PMFBP1: variants seen among roughly 807,000 people sequenced by gnomAD.
The protein encoded by PMFBP1 is polyamine-modulated factor 1-binding protein 1.
Under a neutral mutation model 137.8 loss-of-function variants are expected in PMFBP1, and 131 were observed. The observed-to-expected ratio is 0.95, with a 90% CI of 0.82 to 1.10. PMFBP1 has a LOEUF of 1.10. Among genes scored for constraint, PMFBP1 ranks in the 50% least tolerant of loss-of-function variants. PMFBP1 has a pLI of 0.00. For synonymous variants in PMFBP1, 490 were observed against 450.4 expected (o/e 1.09, Z -1.11); for missense variants, 1,199 against 1,175.4 (o/e 1.02, Z -0.29).
the PMFBP1 span, among the ~76,000 whole-genome samples, chr16:72,214,503 G>T: frequency 6.6e-6 from 1 of 152,150 alleles, no homozygotes; most frequent in Non-Finnish European, 1.5e-5. Context: ...TAGAAGGAAC[G>T]ATGAGAAATT....
the PMFBP1 span, chr16:72,224,896 C>T: frequency 6.6e-6 from 1 of 152,198 alleles, no homozygotes; most frequent in Non-Finnish European, 1.5e-5. Flanking sequence ...GTATCCCACA[C>T]AGAATTTGTA....
intron 2 of PMFBP1, among the ~76,000 whole-genome samples, chr16:72,170,011 T>A (rs1009988216): frequency 6.9e-6 from 1 of 145,704 alleles, no homozygotes; most frequent in Non-Finnish European, 1.5e-5. Context: ...TGATTTTTAT[T>A]GGCACCTGGG....
chr16:72,156,390 G>A (rs2144449745), intron 3 of PMFBP1, among the ~76,000 whole-genome samples: 1 of 152,170 alleles, frequency 6.6e-6, no homozygotes, highest in Non-Finnish European at 1.5e-5. Flanking sequence ...AGGCCGACGT[G>A]GGTGGATCAT....
upstream of PMFBP1, among the ~76,000 whole-genome samples, chr16:72,181,056 T>C (rs1458614607): frequency 4.0e-5 from 6 of 151,758 alleles, no homozygotes; most frequent in East Asian, 7.7e-4. Flanking sequence ...CTGGCCAACA[T>C]GGTGAAACCC....
chr16:72,190,992 A>G, the PMFBP1 span, among the ~76,000 whole-genome samples: 2 of 152,186 alleles, frequency 1.3e-5, no homozygotes, highest in Non-Finnish European at 2.9e-5. Flanking sequence ...TATTATGAAA[A>G]AAGAACATGA....
chr16:72,155,042 T>C, intron 3 of PMFBP1, among the ~76,000 whole-genome samples: 1 of 152,016 alleles, frequency 6.6e-6, no homozygotes, highest in East Asian at 1.9e-4. Context: ...TGTGTGTATG[T>C]GTGTGTGTGG....
chr16:72,209,425 C>A, the PMFBP1 span, among the ~76,000 whole-genome samples: 1 of 151,806 alleles, frequency 6.6e-6, no homozygotes, highest in Non-Finnish European at 1.5e-5. Flanking sequence ...ATATTGTTAT[C>A]ATATATAGTT....
intron 11 of PMFBP1, 50 bp from the exon 12 acceptor site, chr16:72,130,407 G>A (rs753349122): frequency 6.8e-6 from 11 of 1,612,302 alleles, no homozygotes; most frequent in Admixed American, 1.7e-5. Flanking sequence ...GCCCATGTGG[G>A]CAGATTGTGG....
the PMFBP1 span, among the ~76,000 whole-genome samples, chr16:72,207,247 G>T: frequency 6.6e-6 from 1 of 152,128 alleles, no homozygotes; most frequent in Non-Finnish European, 1.5e-5. Flanking sequence ...GGCTGGGCTA[G>T]GATTGAAGGA....
the PMFBP1 span, among the ~76,000 whole-genome samples, chr16:72,243,403 T>C: frequency 5.3e-5 from 8 of 152,290 alleles, no homozygotes; most frequent in African/African-American, 1.7e-4. Flanking sequence ...ACTGTCACCA[T>C]GCAGGGATCT....
At chr16:72,162,693 C>T (rs1475366609) in intron 3 of PMFBP1, among the ~76,000 whole-genome samples, 1 of 152,218 alleles carries the variant, frequency 6.6e-6, no homozygotes, top group African/African-American at 2.4e-5. Flanking sequence ...CGCTTTAAAG[C>T]TTGTTTCAAG....
At chr16:72,141,943 C>T (rs2042729654) in intron 5 of PMFBP1, among the ~76,000 whole-genome samples, 1 of 150,534 alleles carries the variant, frequency 6.6e-6, no homozygotes, top group Non-Finnish European at 1.5e-5. Flanking sequence ...CGTTTGAAAT[C>T]ATGCACGAAG....
intron 2 of PMFBP1, among the ~76,000 whole-genome samples, chr16:72,169,884 T>C (rs1314914263): frequency 6.6e-6 from 1 of 152,248 alleles, no homozygotes; most frequent in African/African-American, 2.4e-5. Context: ...GTCTGACACA[T>C]ATCATGGAAG....
the PMFBP1 span, among the ~76,000 whole-genome samples, chr16:72,228,687 C>A: frequency 3.3e-5 from 5 of 152,084 alleles, no homozygotes; most frequent in African/African-American, 4.8e-5. Context: ...ATTTGGGGTG[C>A]CTCTCTATTT....
chr16:72,152,870 G>A (rs2042923418), intron 4 of PMFBP1, among the ~76,000 whole-genome samples: 2 of 144,612 alleles, frequency 1.4e-5, no homozygotes, highest in African/African-American at 5.1e-5. Context: ...AAAAAAAAAG[G>A]ATGTGACGGC....
intron 7 of PMFBP1, among the ~76,000 whole-genome samples, chr16:72,138,398 G>A (rs2042665660): frequency 6.6e-6 from 1 of 152,232 alleles, no homozygotes; most frequent in Non-Finnish European, 1.5e-5. Context: ...TGCCCAGCAT[G>A]GCCTCCTGTG....
chr16:72,175,228 C>T (rs558045739), upstream of PMFBP1, among the ~76,000 whole-genome samples: 8 of 152,352 alleles, frequency 5.3e-5, no homozygotes, highest in South Asian at 1.2e-3. Flanking sequence ...TCTCATAGAT[C>T]TCACCAGGGT....
intron 14 of PMFBP1, among the ~76,000 whole-genome samples, chr16:72,126,566 C>T (rs972750928): frequency 6.6e-5 from 10 of 152,182 alleles, no homozygotes; most frequent in Non-Finnish European, 1.5e-5. Flanking sequence ...CAGGACTGTG[C>T]CTGTGTTTTG....
chr16:72,217,413 A>C, the PMFBP1 span, among the ~76,000 whole-genome samples: 2 of 152,058 alleles, frequency 1.3e-5, no homozygotes, highest in Admixed American at 6.5e-5. Context: ...TTCATCAGTA[A>C]TGAGGGCAAC....
Sources: allele counts gnomAD v4.1 joint callset (sites outside exome capture counted in the v4.1 genomes callset), GRCh38; gene constraint gnomAD v4.1.1; transcripts MANE v1.5; gene names NCBI Gene and HGNC (gene_info 2026-07-23, HGNC 2026-07-21).